HPSE2: variants seen among roughly 807,000 people sequenced by gnomAD.
HPSE2 encodes heparanase 2 (inactive), also known as inactive heparanase-2.
A neutral mutation model predicts 60.5 loss-of-function variants in HPSE2; 38 were observed. That is an observed-to-expected ratio of 0.63 (90% CI 0.48 to 0.82). The LOEUF is 0.82. Ranked by LOEUF, HPSE2 falls within the 40% of genes least tolerant of loss-of-function variation. The probability of loss-of-function intolerance (pLI) is 0.00; values close to 1 mark genes in which losing one functional copy is unlikely to be tolerated. For missense variants in HPSE2, 713 were observed against 740.4 expected, an observed-to-expected ratio of 0.96 and a Z score of 0.43; for synonymous variants, 295 against 293.2, an observed-to-expected ratio of 1.01 and a Z score of -0.06.
At chr10:99,260,614 C>T in the HPSE2 span, among the ~76,000 whole-genome samples, 2 of 152,318 alleles carry the variant, frequency 1.3e-5, no homozygotes, top group South Asian at 2.1e-4. Context: ...TATCCGTGGA[C>T]CCAAAACTCT....
chr10:98,521,678 T>C (rs771739662), intron 9 of HPSE2, among the ~76,000 whole-genome samples: 1 of 152,176 alleles, frequency 6.6e-6, no homozygotes, highest in African/African-American at 2.4e-5. Context: ...TAAAGACACA[T>C]GCACACATAC....
chr10:99,096,154 A>G (rs575311809), intron 3 of HPSE2, among the ~76,000 whole-genome samples: 1 of 152,314 alleles, frequency 6.6e-6, no homozygotes, highest in African/African-American at 2.4e-5. Context: ...GGTTTTGTAC[A>G]TGTTTTTCTC....
At chr10:98,548,224 A>G (rs1943752434) in intron 9 of HPSE2, among the ~76,000 whole-genome samples, 1 of 152,176 alleles carries the variant, frequency 6.6e-6, no homozygotes, top group Non-Finnish European at 1.5e-5. Context: ...TGTAATCCTG[A>G]TTCTCTGATG....
At chr10:98,505,967 T>C (rs7098401) in intron 9 of HPSE2, among the ~76,000 whole-genome samples, 4,352 of 152,268 alleles carry the variant, frequency 0.029, 226 homozygotes, top group African/African-American at 0.098. Flanking sequence ...TTCTTAGAAA[T>C]GGCTTTGTTA....
At chr10:98,844,918 C>T (rs372188622) in intron 3 of HPSE2, among the ~76,000 whole-genome samples, 5 of 152,122 alleles carry the variant, frequency 3.3e-5, no homozygotes, top group Admixed American at 6.5e-5. Flanking sequence ...CCTTCAAGTG[C>T]GCTCTTCCAT....
chr10:98,800,742 C>T (rs1344137804), intron 3 of HPSE2, among the ~76,000 whole-genome samples: 3 of 151,990 alleles, frequency 2.0e-5, no homozygotes, highest in African/African-American at 7.2e-5. Flanking sequence ...AAAAGTCTCA[C>T]AGTAAAGGAA....
At chr10:98,837,949 AC>A (rs1951829552) in intron 3 of HPSE2, among the ~76,000 whole-genome samples, 1 of 152,282 alleles carries the variant, frequency 6.6e-6, no homozygotes, top group South Asian at 2.1e-4. Flanking sequence ...TTGATAAAAT[AC>A]TAATGTAAGA....
At chr10:98,574,530 T>G (rs1944589178) in intron 9 of HPSE2, among the ~76,000 whole-genome samples, 1 of 152,096 alleles carries the variant, frequency 6.6e-6, no homozygotes, top group Non-Finnish European at 1.5e-5. Flanking sequence ...CAAATGGAAT[T>G]GGGCAGGAAG....
intron 2 of HPSE2, among the ~76,000 whole-genome samples, chr10:99,215,060 C>G (rs998960156): frequency 6.6e-6 from 1 of 152,070 alleles, no homozygotes; most frequent in Non-Finnish European, 1.5e-5. Flanking sequence ...ACCAGAAGTA[C>G]CATTTGACTC....
intron 9 of HPSE2, among the ~76,000 whole-genome samples, chr10:98,501,796 C>T (rs1942036522): frequency 6.6e-6 from 1 of 152,052 alleles, no homozygotes; most frequent in African/African-American, 2.4e-5. Flanking sequence ...CTTTGAAACC[C>T]CTGAAGACTC....
At chr10:98,778,274 G>GAGAGAGAGAGAGAC (rs1554991974) in intron 3 of HPSE2, among the ~76,000 whole-genome samples, 32 of 149,854 alleles carry the variant, frequency 2.1e-4, no homozygotes, top group African/African-American at 7.6e-4. Flanking sequence ...CAGAGAGAGA[G>GAGAGAGAGAGAGAC]AGAGAGAGAG....
chr10:99,187,746 A>G (rs1487925096), intron 2 of HPSE2, among the ~76,000 whole-genome samples: 1 of 152,228 alleles, frequency 6.6e-6, no homozygotes, highest in Non-Finnish European at 1.5e-5. Flanking sequence ...ATAAGCTTTG[A>G]TAAGGATGTG....
intron 4 of HPSE2, among the ~76,000 whole-genome samples, chr10:98,724,354 T>A (rs571841640): frequency 2.0e-5 from 3 of 152,210 alleles, no homozygotes; most frequent in African/African-American, 7.2e-5. Flanking sequence ...TTCTGTTCTT[T>A]GACATTTGCT....
chr10:99,054,561 T>C (rs1958065688), intron 3 of HPSE2, among the ~76,000 whole-genome samples: 1 of 152,174 alleles, frequency 6.6e-6, no homozygotes, highest in African/African-American at 2.4e-5. Flanking sequence ...TCACAGATCT[T>C]CCACAGATCT....
At chr10:98,538,703 A>G (rs1007148794) in intron 9 of HPSE2, among the ~76,000 whole-genome samples, 1 of 152,114 alleles carries the variant, frequency 6.6e-6, no homozygotes, top group Non-Finnish European at 1.5e-5. Flanking sequence ...TGTGTAGCCA[A>G]GCTTGAGAAC....
the HPSE2 span, among the ~76,000 whole-genome samples, chr10:99,246,396 G>A: frequency 6.6e-6 from 1 of 152,206 alleles, no homozygotes; most frequent in African/African-American, 2.4e-5. Flanking sequence ...TTTGATAAGT[G>A]CTATAATAAA....
chr10:99,226,650 C>T (rs1278142529), intron 2 of HPSE2, among the ~76,000 whole-genome samples: 1 of 151,926 alleles, frequency 6.6e-6, no homozygotes, highest in Non-Finnish European at 1.5e-5. Flanking sequence ...TTACTATTTT[C>T]CCCTTTGGAG....
At chr10:98,626,095 G>A (rs1366558934) in intron 7 of HPSE2, among the ~76,000 whole-genome samples, 4 of 143,858 alleles carry the variant, frequency 2.8e-5, no homozygotes, top group African/African-American at 1.1e-4. Flanking sequence ...GACAGAGCGA[G>A]ACTCCGTCTC....
chr10:99,147,182 A>C (rs1589729536), intron 2 of HPSE2, among the ~76,000 whole-genome samples: 1 of 152,236 alleles, frequency 6.6e-6, no homozygotes, highest in Non-Finnish European at 1.5e-5. Context: ...CAGTGCTCAA[A>C]TCCAGGGATG....
Sources: allele counts gnomAD v4.1 joint callset (sites outside exome capture counted in the v4.1 genomes callset), GRCh38; gene constraint gnomAD v4.1.1; transcripts MANE v1.5; gene names NCBI Gene and HGNC (gene_info 2026-07-23, HGNC 2026-07-21).